The following FAM178B variants were observed in gnomAD, a reference collection of about 807,000 sequenced individuals.
The protein encoded by FAM178B is family with sequence similarity 178 member B, also known as protein FAM178B.
A neutral mutation model predicts 91.7 loss-of-function variants in FAM178B; 82 were observed. That is an observed-to-expected ratio of 0.89 (90% confidence interval 0.75 to 1.07). The LOEUF (loss-of-function observed/expected upper bound fraction) is 1.07. Ranked by LOEUF, FAM178B falls within the 50% of genes least tolerant of loss-of-function variation. The pLI is 0.00. For synonymous variants in FAM178B, 368 were observed against 359.4 expected, an observed-to-expected ratio of 1.02 and a Z score of -0.27; for missense variants, 769 against 846.7, an observed-to-expected ratio of 0.91 and a Z score of 1.14.
chr2:96,920,042 G>A (rs1559072834), intron 12 of FAM178B, among the ~76,000 whole-genome samples: 2 of 152,140 alleles, frequency 1.3e-5, no homozygotes, highest in African/African-American at 4.8e-5. Context: ...GTAACACAGA[G>A]GTGTCTGCCA....
At chr2:96,883,464 T>C (rs2080439615) in intron 14 of FAM178B, among the ~76,000 whole-genome samples, 1 of 152,178 alleles carries the variant, frequency 6.6e-6, no homozygotes, top group Admixed American at 6.5e-5. Context: ...CATCAGGTCA[T>C]GACCAAGAAT....
Position 96,905,835 on chromosome 2 carries a change from TA to T in FAM178B, c.1563-3129del, listed in dbSNP as rs1559064028. 1.6e-3 allele frequency among the ~76,000 whole-genome samples: 35 copies of T among 22,516 alleles called. 2 individuals are homozygous for T. Among genetic ancestry groups the T allele is most frequent in the African/African-American group, 5.5e-3 (33 of 5,958 alleles). The allele number at this position is 22,516 out of a possible 152,430, so 14.8% of individuals were successfully genotyped here. On this transcript the variant is annotated intron_variant, in intron 12 of 16. Transcript: ENST00000490605. ...ATATGTGTGTATATATATATATATA[TA>T]TATATATATATATATATATATATAT...
intron 10 of FAM178B, 144 bp from the exon 11 acceptor site, chr2:96,921,798 G>A (rs1443549319): frequency 2.5e-6 from 2 of 805,822 alleles, no homozygotes; most frequent in Non-Finnish European, 4.0e-6. Flanking sequence ...TCAGGAAACA[G>A]TGAGGCCCCT....
At chr2:96,985,673 C>A (rs769034492) in intron 1 of FAM178B, among the ~76,000 whole-genome samples, 2 of 152,200 alleles carry the variant, frequency 1.3e-5, no homozygotes, top group African/African-American at 4.8e-5. Flanking sequence ...TCTGCGAATA[C>A]TGCTTTTTCA....
At chr2:96,930,508 T>C (rs1251359510) in intron 8 of FAM178B, among the ~76,000 whole-genome samples, 2 of 152,194 alleles carry the variant, frequency 1.3e-5, no homozygotes. Context: ...ACTTAGCAGT[T>C]GACTTGCTTC....
At chr2:96,887,460 C>T (rs2080555151) in intron 14 of FAM178B, among the ~76,000 whole-genome samples, 1 of 152,104 alleles carries the variant, frequency 6.6e-6, no homozygotes, top group Admixed American at 6.5e-5. Context: ...GTATGTGAAG[C>T]AAGATGTAAA....
rs2080238880 is a variant in FAM178B at position 96,876,281 on chromosome 2, T to G, written c.2035A>C (p.Ile679Leu). ...GCTGCCCTGACCCTGTCCCTTTAGA[T>G]GTCTTTCCAGGGGCTGAAATACTGG... The part of the protein sequence containing the change: ...QAQYFSPWKD[I>L] The change falls in exon 17 of 17, where the codon ATC becomes CTC. Residue 679 changes from isoleucine to leucine, a missense_variant. Physicochemically the swap from Ile to Leu is conservative, Grantham distance 5. Coordinates refer to ENST00000490605, the MANE Select transcript of FAM178B (RefSeq NM_001122646.3). The G allele has an allele frequency of 6.2e-7, 1 of 1,608,258 alleles. No individual in the cohort carries two copies.
chr2:96,981,058 C>T (rs571666872), intron 1 of FAM178B, among the ~76,000 whole-genome samples: 19 of 152,156 alleles, frequency 1.2e-4, no homozygotes, highest in African/African-American at 3.4e-4. Flanking sequence ...TGCAACCTCC[C>T]GGGTCCAAGT....
intron 3 of FAM178B, 100 bp downstream of exon 3, chr2:96,971,801 C>G: frequency 8.7e-7 from 1 of 1,150,992 alleles, no homozygotes; most frequent in South Asian, 1.9e-5. Flanking sequence ...GGAAGAGCAG[C>G]TGGGGCGTGG....
chr2:96,924,465 T>C (rs999387385), intron 9 of FAM178B, among the ~76,000 whole-genome samples: 7 of 152,140 alleles, frequency 4.6e-5, no homozygotes, highest in African/African-American at 9.7e-5. Context: ...CAGATGATGT[T>C]AGAGACCAGG....
chr2:96,977,808 G>A (rs1228686645), intron 1 of FAM178B: 2 of 456,476 alleles, frequency 4.4e-6, no homozygotes, highest in Non-Finnish European at 8.8e-6. Context: ...AGTTTAGGAC[G>A]CATAATACCG....
At chr2:96,983,627 G>GT (rs2153376649) in intron 1 of FAM178B, among the ~76,000 whole-genome samples, 1 of 152,222 alleles carries the variant, frequency 6.6e-6, no homozygotes, top group South Asian at 2.1e-4. Flanking sequence ...GTTTCATTGT[G>GT]TTGCCCAGGC....
chr2:96,938,058 G>A (rs2081662887), intron 8 of FAM178B, among the ~76,000 whole-genome samples: 1 of 152,046 alleles, frequency 6.6e-6, no homozygotes, highest in South Asian at 2.1e-4. Context: ...AGTGCTCTCC[G>A]AGTTTAAGTC....
At chr2:96,975,999 A>G (rs1208809276) in intron 1 of FAM178B, among the ~76,000 whole-genome samples, 2 of 152,138 alleles carry the variant, frequency 1.3e-5, no homozygotes, top group Non-Finnish European at 2.9e-5. Context: ...CCAACAGAAC[A>G]CTTTACCCCA....
At chr2:96,965,098 C>G (rs2082127725) in intron 5 of FAM178B, among the ~76,000 whole-genome samples, 1 of 152,170 alleles carries the variant, frequency 6.6e-6, no homozygotes, top group African/African-American at 2.4e-5. Context: ...CTCCCGGGTT[C>G]AAGTGATTCT....
chr2:96,977,976 G>C, intron 1 of FAM178B: 2 of 449,434 alleles, frequency 4.5e-6, no homozygotes, highest in South Asian at 1.6e-5. Context: ...CCGGCAAGAG[G>C]GAGCACTTTG....
chr2:96,944,567 G>A (rs1325304968), intron 8 of FAM178B, among the ~76,000 whole-genome samples: 1 of 152,150 alleles, frequency 6.6e-6, no homozygotes, highest in Non-Finnish European at 1.5e-5. Context: ...TCTGCAACCC[G>A]GAGAGGAAGT....
rs185443050 is a variant in FAM178B, at chr2:96,882,676, C to G, written c.1777-4183G>C. ...GGGAGCACAAGGTGGCCCTTCTATACGCCAGAGGGAGGCCCTTCCAGGTCT... is the reference window on the plus strand; with the variant it reads ...GGGAGCACAAGGTGGCCCTTCTATAGGCCAGAGGGAGGCCCTTCCAGGTCT... On this transcript the variant is annotated intron_variant, in intron 14 of 16. Coordinates refer to ENST00000490605, the MANE Select transcript of FAM178B (RefSeq NM_001122646.3). Among the ~76,000 whole-genome samples the G allele has an allele frequency of 2.6e-5, 4 of 152,340 alleles. No individual in the cohort carries two copies. In the South Asian group the frequency reaches 6.2e-4, roughly 24 times the overall value.
At chr2:96,894,890 C>T (rs1299125729) in intron 13 of FAM178B, among the ~76,000 whole-genome samples, 1 of 131,862 alleles carries the variant, frequency 7.6e-6, no homozygotes, top group African/African-American at 2.9e-5. Flanking sequence ...TCATCCCCCC[C>T]ACAGACCCTC....
Sources: allele counts gnomAD v4.1 joint callset (sites outside exome capture counted in the v4.1 genomes callset), GRCh38; gene constraint gnomAD v4.1.1; transcripts MANE v1.5; gene names NCBI Gene and HGNC (gene_info 2026-07-23, HGNC 2026-07-21).